Variants in ZNF687 observed in about 807,000 individuals in gnomAD.
The protein encoded by ZNF687 is zinc finger protein 687.
ZNF687 carries 13 observed loss-of-function variants against 71.8 expected under a neutral mutation model. The ratio of observed to expected loss-of-function variants is 0.18; its 90% CI spans 0.12 to 0.29. The LOEUF is 0.29. Among genes scored for constraint, ZNF687 ranks in the 10% least tolerant of loss-of-function variants. The pLI, the probability that ZNF687 is intolerant of heterozygous loss-of-function variation, is 1.00. For synonymous variants in ZNF687, 673 were observed against 641.6 expected (o/e 1.05, Z -0.74); for missense variants, 1,412 against 1,625.6 (o/e 0.87, Z 2.26).
rs151299620 is a variant in ZNF687 at position 151,291,054 on chromosome 1, G to A, written c.3559G>A (p.Asp1187Asn). 2.9e-5 allele frequency: 46 copies of A among 1,613,708 alleles called. No individual in the cohort carries two copies. The East Asian group carries it at 3.3e-4, about 12-fold the overall frequency. Residue 1187 changes from aspartate to asparagine, a missense_variant, in exon 9 of 9, where the codon GAT (aspartate) becomes AAT (asparagine). Physicochemically the swap from Asp to Asn is conservative, Grantham distance 23. Around this residue, in one of 8 missense-constraint regions of ZNF687, gnomAD observed 284 missense variants for 359.2 expected, o/e 0.79. Transcript: ENST00000336715. ...GGCCCCTCCATCAAGGTCTGACCCC[G>A]ATGGTGGAGACTCACCCCTGCCTGC... ...EEAPPSRSDP[D>N]GGDSPLPASG...
chr1:151,288,955 C>T (rs1210898851), intron 3 of ZNF687, 140 bp from the exon 4 acceptor site: 4 of 1,052,394 alleles, frequency 3.8e-6, no homozygotes, highest in Non-Finnish European at 5.4e-6. Context: ...CTGCACCTCT[C>T]TCCTTTCTCC....
intron 1 of ZNF687, 79 bp from the exon 2 acceptor site, chr1:151,286,196 A>G (rs1693937795): frequency 8.2e-7 from 1 of 1,214,934 alleles, no homozygotes. Context: ...GAGGATAAAT[A>G]TGGAGATGCT....
intron 1 of ZNF687, chr1:151,283,937 GACTCTTTAGTTGCTTCTTCGTAGAT>G: frequency 2.0e-6 from 2 of 985,448 alleles, no homozygotes; most frequent in Non-Finnish European, 2.4e-6. Flanking sequence ...GATAGGGATA[GACTCTTTAGTTGCTTCTTCGTAGAT>G]ACAGAAACAC....
Position 151,287,275 on chromosome 1 carries a change from T to G in ZNF687, c.984T>G (p.Leu328=). The change falls in exon 2 of 9, where the codon CTT becomes CTG. Residue 328 remains leucine (L), a synonymous_variant. Transcript: ENST00000336715. This position sits in a 1 kb window ranked among gnomAD's most constrained non-coding sequence, Gnocchi z 5.0. The part of the protein sequence containing the change: ...DSPASSSSRP[L]KVRIKTIKTS... ...CTGCCTCCAGCTCCTCTAGGCCTCT[T>G]AAGGTGCGGATCAAGACCATTAAAA... The G allele has an allele frequency of 6.2e-7, 1 of 1,614,176 alleles. No homozygotes were observed.
In ZNF687 at chr1:151,286,910, C is replaced by T; in HGVS notation, c.619C>T (p.Pro207Ser). 1 of 1,613,118 alleles carries T rather than the reference C, an allele frequency of 6.2e-7. No individual in the cohort carries two copies. Among genetic ancestry groups the T allele is most frequent in the Non-Finnish European group, 8.5e-7 (1 of 1,179,442 alleles). ...CTTTGAGCTGGCCCAGGAGAATGGCCCAGGCATGCAGCCACCTGTTTCTTC... is the reference window on the plus strand; with the variant it reads ...CTTTGAGCTGGCCCAGGAGAATGGCTCAGGCATGCAGCCACCTGTTTCTTC... ...SSFELAQENG[P>S]GMQPPVSSPP... Residue 207 changes from proline to serine, a missense_variant, in exon 2 of 9, where the codon CCA becomes TCA. Transcript: ENST00000336715.
In ZNF687 at chr1:151,290,488, T is replaced by A; in HGVS notation, c.3134T>A (p.Val1045Asp). 6.2e-7 allele frequency: 1 copy of A among 1,613,972 alleles called. No homozygotes were observed. Among genetic ancestry groups the A allele is most frequent in the Non-Finnish European group, 8.5e-7 (1 of 1,179,996 alleles). The change falls in exon 8 of 9, where the codon GTC becomes GAC. Residue 1045 changes from valine (V) to aspartate (D), a missense_variant. Coordinates refer to ENST00000336715, the MANE Select transcript of ZNF687 (RefSeq NM_020832.3). The part of the protein sequence containing the change: ...FSSRLILEKH[V>D]QVRHGLQLGA... Reference sequence around the variant, plus strand: ...AGCCGCCTGATCCTAGAGAAACATGTCCAGGTCCGGCACGGCTTGCAGCTT... The same window carrying A: ...AGCCGCCTGATCCTAGAGAAACATGACCAGGTCCGGCACGGCTTGCAGCTT...
chr1:151,292,004 C>G lies in ZNF687; in HGVS notation c.*795C>G, dbSNP rs950117558. On this transcript the variant is annotated 3_prime_UTR_variant, in exon 9 of 9. Transcript: ENST00000336715. ...TTCTCAGGGAAGAGGTGGTAGTGAC[C>G]AAGACAGGCAGGGAAAAAGCAAACT... is the stretch of plus-strand genomic sequence containing the variant. 3 of 151,968 alleles carry G rather than the reference C, an allele frequency of 2.0e-5. No individual in the cohort carries two copies. Among genetic ancestry groups the G allele is most frequent in the African/African-American group, 7.3e-5 (3 of 41,290 alleles). The allele number at this position is 151,968 out of a possible 1,614,324, so 9.4% of individuals were successfully genotyped here.
At chr1:151,281,600 C>T (rs761949050), upstream of ZNF687, 89 of 471,234 alleles carry the variant, frequency 1.9e-4, 4 homozygotes, top group South Asian at 1.3e-3. Flanking sequence ...CGCCCTCCCG[C>T]AGAGGGAGGA....
In ZNF687 at chr1:151,282,309, G is replaced by A. The variant is rs750698853; in HGVS notation, c.-104G>A. 342 of 1,001,106 alleles carry A rather than the reference G, an allele frequency of 3.4e-4. No individual in the cohort carries two copies. The highest frequency in any genetic ancestry group is 1.0e-3 in the Middle Eastern group (2 of 1,976). The allele number at this position is 1,001,106 out of a possible 1,614,324, so 62.0% of individuals were successfully genotyped here. A position where few individuals can be genotyped will look rare whatever the true frequency, so the allele number is the denominator to read the frequency against. On this transcript the variant is annotated 5_prime_UTR_variant, in exon 1 of 9. Transcript: ENST00000336715. ...GAACCGGAGAGAAGCAGGAAGTAGC[G>A]GCGGCCGCGGGGAGGGCGGCGGTGG...
chr1:151,291,145 C>A lies in ZNF687; in HGVS notation c.3650C>A (p.Thr1217Asn). The change falls in exon 9 of 9, where the codon ACC becomes AAC. Residue 1217 changes from threonine to asparagine, a missense_variant. Transcript: ENST00000336715. ...KSCDSPLNLK[T>N]HFRTHGMAFI... Reference sequence around the variant, plus strand: ...TGCGACAGCCCTCTAAACCTCAAGACCCACTTCCGCACGCATGGCATGGCG... The same window carrying A: ...TGCGACAGCCCTCTAAACCTCAAGAACCACTTCCGCACGCATGGCATGGCG... 4.3e-6 allele frequency: 7 copies of A among 1,613,144 alleles called. No individual in the cohort carries two copies. The highest frequency in any genetic ancestry group is 5.9e-6 in the Non-Finnish European group (7 of 1,179,998).
At position 151,286,429 on chromosome 1, in the gene ZNF687, T is replaced by C. The variant is rs770436552; in HGVS notation, c.138T>C (p.Gly46=). 4.3e-6 allele frequency: 7 copies of C among 1,613,516 alleles called. No individual in the cohort carries two copies. Among genetic ancestry groups the C allele is most frequent in the Non-Finnish European group, 4.2e-6 (5 of 1,179,774 alleles). ...GPGGPGKPEP[G]VGSESEDTAA... ...GAGGCCCAGGGAAGCCAGAACCAGG[T>C]GTAGGAAGTGAATCTGAAGACACAG... Residue 46 remains glycine (G), a synonymous_variant, in exon 2 of 9, where the codon GGT becomes GGC. Coordinates refer to ENST00000336715, the MANE Select transcript of ZNF687 (RefSeq NM_020832.3).
At chr1:151,283,835 C>T in intron 1 of ZNF687, 1 of 985,420 alleles carries the variant, frequency 1.0e-6, no homozygotes, top group Non-Finnish European at 1.2e-6. Context: ...TCCCAGCTGC[C>T]ACTTGCTGGG....
Position 151,286,801 on chromosome 1 carries a change from A to AG in ZNF687, c.514dup (p.Asp172GlyfsTer29). The AG allele has an allele frequency of 6.2e-7, 1 of 1,614,224 alleles. No homozygotes were observed. The highest frequency in any genetic ancestry group is 8.5e-7 in the Non-Finnish European group (1 of 1,180,040). Reference sequence around the variant, plus strand: ...TGTTTGCTCATTTTGGCCCTGAGCCAGGGGACCACTCAGATCCGCTGCCTC... The same window carrying AG: ...TGTTTGCTCATTTTGGCCCTGAGCCAGGGGGACCACTCAGATCCGCTGCCTC... On this transcript the variant is annotated frameshift_variant, in exon 2 of 9. Coordinates refer to ENST00000336715, the MANE Select transcript of ZNF687 (RefSeq NM_020832.3). LOFTEE classifies it high-confidence loss of function.
intron 1 of ZNF687, among the ~76,000 whole-genome samples, chr1:151,285,012 T>C (rs1249768379): frequency 6.6e-6 from 1 of 152,018 alleles, no homozygotes; most frequent in East Asian, 1.9e-4. Flanking sequence ...CTTGAACTCC[T>C]GGGCCCAAGT....
At position 151,289,213 on chromosome 1, in the gene ZNF687, C is replaced by G. The variant is rs746087983; in HGVS notation, c.2413C>G (p.Pro805Ala). Residue 805 changes from proline to alanine, a missense_variant, in exon 4 of 9, where the codon CCA becomes GCA. Physicochemically the swap from Pro to Ala is conservative, Grantham distance 27. Around this residue, in one of 8 missense-constraint regions of ZNF687, gnomAD observed 106 missense variants for 146.0 expected, o/e 0.73. Coordinates refer to ENST00000336715, the MANE Select transcript of ZNF687 (RefSeq NM_020832.3). ...CTGCCCCATGGCCTTCAAGTCTGGGCCAAGTGCCCATGCCCACCTCTACTC... is the reference window on the plus strand; with the variant it reads ...CTGCCCCATGGCCTTCAAGTCTGGGGCAAGTGCCCATGCCCACCTCTACTC... ...PICPMAFKSG[P>A]SAHAHLYSQH... is the part of the protein sequence containing the mutation. 4 of 1,614,156 alleles carry G rather than the reference C, an allele frequency of 2.5e-6. No individual in the cohort carries two copies. Among genetic ancestry groups the G allele is most frequent in the Non-Finnish European group, 3.4e-6 (4 of 1,180,048 alleles).
Position 151,290,530 on chromosome 1 carries a change from G to A in ZNF687, c.3176G>A (p.Gly1059Asp), listed in dbSNP as rs1694183686. 1 of 1,613,842 alleles carries A rather than the reference G, an allele frequency of 6.2e-7. No individual in the cohort carries two copies. The highest frequency in any genetic ancestry group is 1.1e-5 in the South Asian group (1 of 91,084). ...HGLQLGAQSP[G>D]RGTTLARGSS... ...TTGCAGCTTGGGGCCCAGTCCCCTGGCCGGGGGACCACCTTGGCTCGGGGT... is the reference window on the plus strand; with the variant it reads ...TTGCAGCTTGGGGCCCAGTCCCCTGACCGGGGGACCACCTTGGCTCGGGGT... Residue 1059 changes from glycine (G) to aspartate (D), a missense_variant, in exon 8 of 9, where the codon GGC becomes GAC. Gly to Asp is a moderately conservative substitution (Grantham distance 94). Coordinates refer to ENST00000336715, the MANE Select transcript of ZNF687 (RefSeq NM_020832.3).
Position 151,288,090 on chromosome 1 carries a change from G to A in ZNF687, c.1799G>A (p.Arg600Lys), listed in dbSNP as rs1694032124. The part of the protein sequence containing the change: ...LVMQCSHLVM[R>K]PVALDQMVGQ... ...ATGCAGTGCTCACATTTGGTCATGA[G>A]GCCTGTAGCCCTTGACCAGATGGTG... is the stretch of plus-strand genomic sequence containing the variant. The change falls in exon 2 of 9, where the codon AGG becomes AAG. Residue 600 changes from arginine (R) to lysine (K), a missense_variant. Arg to Lys is a conservative substitution (Grantham distance 26). Coordinates refer to ENST00000336715, the MANE Select transcript of ZNF687 (RefSeq NM_020832.3). 1 of 1,613,898 alleles carries A rather than the reference G, an allele frequency of 6.2e-7. No homozygotes were observed. The highest frequency in any genetic ancestry group is 1.7e-5 in the Admixed American group (1 of 60,016).
At position 151,290,186 on chromosome 1, in the gene ZNF687, G is replaced by A; in HGVS notation, c.3029G>A (p.Arg1010His). The A allele has an allele frequency of 6.2e-7, 1 of 1,614,004 alleles. No individual in the cohort carries two copies. The highest frequency in any genetic ancestry group is 8.5e-7 in the Non-Finnish European group (1 of 1,180,034). Reference protein sequence around the residue: ...RSFCSAPSLRRHVRVNHEGIK... With the variant: ...RSFCSAPSLRHHVRVNHEGIK... ...TTCTGCTCCGCCCCCAGCCTGAGGC[G>A]CCATGTCAGAGTTAATCACGAGGGC... The change falls in exon 7 of 9, where the codon CGC becomes CAC. Residue 1010 changes from arginine to histidine, a missense_variant. Coordinates refer to ENST00000336715, the MANE Select transcript of ZNF687 (RefSeq NM_020832.3).
chr1:151,289,957 T>C lies in ZNF687; in HGVS notation c.2914T>C (p.Phe972Leu). 1 of 1,571,540 alleles carries C rather than the reference T, an allele frequency of 6.4e-7. No individual in the cohort carries two copies. Residue 972 changes from phenylalanine (F) to leucine (L), a missense_variant, in exon 6 of 9, where the codon TTC becomes CTC. Physicochemically the swap from Phe to Leu is conservative, Grantham distance 22. This residue lies in a region of ZNF687 where 135 missense variants were observed against 104.1 expected (regional missense o/e 1.30). Coordinates refer to ENST00000336715, the MANE Select transcript of ZNF687 (RefSeq NM_020832.3). ...GACCTGTGGCCTGTGTCACTCCTGG[T>C]TCCCTGAGCGTGATGAATACGTGGC... ...GWTCGLCHSWFPERDEYVAHM... is the reference protein window; with the variant it reads ...GWTCGLCHSWLPERDEYVAHM...
Sources: gnomAD v4.1 joint callset for allele counts (sites outside exome capture counted in the v4.1 genomes callset) on GRCh38, gnomAD v4.1.1 for gene constraint, gnomAD v4.1.1 regional missense constraint, Gnocchi (gnomAD v3.1) non-coding constraint, MANE v1.5 for transcripts, NCBI Gene and HGNC (gene_info 2026-07-23, HGNC 2026-07-21) for gene names.